The following KCNQ5 variants were observed in gnomAD, a reference collection of about 807,000 sequenced individuals.
KCNQ5 encodes potassium voltage-gated channel subfamily KQT member 5.
Under a neutral mutation model 98.2 loss-of-function variants are expected in KCNQ5, and 30 were observed. The observed-to-expected ratio is 0.31, with a 90% CI of 0.23 to 0.41. The LOEUF is 0.41. KCNQ5 is among the 10% of genes least tolerant of loss of function. The probability of loss-of-function intolerance (pLI) is 1.00; values close to 1 mark genes in which losing one functional copy is unlikely to be tolerated. For missense variants in KCNQ5, 835 were observed against 1,182.5 expected (o/e 0.71, Z 4.31); for synonymous variants, 458 against 449.4 (o/e 1.02, Z -0.24).
intron 1 of KCNQ5, among the ~76,000 whole-genome samples, chr6:72,715,110 T>C (rs1321815870): frequency 1.3e-5 from 2 of 152,208 alleles, no homozygotes; most frequent in Non-Finnish European, 2.9e-5. Flanking sequence ...TTAAATGTTG[T>C]ATTATAAAGA....
At chr6:72,803,126 C>A (rs1208715150) in intron 1 of KCNQ5, among the ~76,000 whole-genome samples, 1 of 152,156 alleles carries the variant, frequency 6.6e-6, no homozygotes, top group East Asian at 1.9e-4. Flanking sequence ...AGACCAACCA[C>A]AATCAATAAT....
At chr6:72,794,451 T>G (rs891238757) in intron 1 of KCNQ5, among the ~76,000 whole-genome samples, 12 of 152,238 alleles carry the variant, frequency 7.9e-5, no homozygotes, top group African/African-American at 2.9e-4. Context: ...CAGAATTGGT[T>G]ACTAATACTT....
intron 1 of KCNQ5, among the ~76,000 whole-genome samples, chr6:72,711,195 A>G (rs112295042): frequency 4.7e-4 from 72 of 152,220 alleles, no homozygotes; most frequent in African/African-American, 1.5e-3. Flanking sequence ...CATTAAGAAT[A>G]AATGTACACA....
intron 7 of KCNQ5, among the ~76,000 whole-genome samples, chr6:73,119,382 C>G (rs1775652265): frequency 6.6e-6 from 1 of 152,178 alleles, no homozygotes; most frequent in Admixed American, 6.5e-5. Flanking sequence ...ACCTACAAAA[C>G]AGGAATCTTA....
intron 1 of KCNQ5, chr6:72,986,691 G>A (rs1768792777): frequency 1.8e-6 from 2 of 1,124,248 alleles, no homozygotes; most frequent in African/African-American, 1.6e-5. Context: ...TTCCTCTGTG[G>A]GGAGAAGAAA....
At chr6:73,008,996 T>C (rs1562124696) in intron 2 of KCNQ5, among the ~76,000 whole-genome samples, 1 of 151,352 alleles carries the variant, frequency 6.6e-6, no homozygotes, top group African/African-American at 2.4e-5. Flanking sequence ...CTTTGTTTTA[T>C]TTTTTTTTCT....
chr6:73,028,798 G>A (rs942485518), intron 2 of KCNQ5, among the ~76,000 whole-genome samples: 2 of 152,164 alleles, frequency 1.3e-5, no homozygotes, highest in Admixed American at 1.3e-4. Flanking sequence ...TGCTTTATTA[G>A]TTAAAATTGT....
At chr6:72,716,550 T>C (rs1235541387) in intron 1 of KCNQ5, among the ~76,000 whole-genome samples, 9 of 152,240 alleles carry the variant, frequency 5.9e-5, no homozygotes, top group Admixed American at 3.9e-4. Flanking sequence ...CAGGAGAAGC[T>C]TTACTTTTTA....
At position 72,838,949 on chromosome 6, in the gene KCNQ5, C is replaced by CAAA. The variant is rs67894922; in HGVS notation, c.399-164938_399-164936dup. 5.4e-3 allele frequency among the ~76,000 whole-genome samples: 318 copies of CAAA among 58,632 alleles called. 25 individuals carry two copies. Among genetic ancestry groups the CAAA allele is most frequent in the African/African-American group, 0.016 (263 of 15,962 alleles). The allele number at this position is 58,632 out of a possible 152,430, so 38.5% of individuals were successfully genotyped here. ...TGGGCGACAGAGCGAGACTCCGTCT[C>CAAA]AAAAAAAAAAAAAAAAAAAAAAAGA... On this transcript the variant is annotated intron_variant, in intron 1 of 13. Coordinates refer to ENST00000370398, the MANE Select transcript of KCNQ5 (RefSeq NM_019842.4).
intron 1 of KCNQ5, among the ~76,000 whole-genome samples, chr6:72,871,818 T>G (rs372302885): frequency 2.8e-4 from 43 of 152,250 alleles, no homozygotes; most frequent in African/African-American, 9.4e-4. Flanking sequence ...CAAGGATACA[T>G]CTCTCCATCT....
rs147979750 is a variant in KCNQ5 at position 72,886,497 on chromosome 6, A to G, written c.399-117411A>G. Among the ~76,000 whole-genome samples the G allele has an allele frequency of 4.7e-3, 723 of 152,282 alleles. 11 individuals are homozygous for G. The highest frequency in any genetic ancestry group is 0.02 in the East Asian group (106 of 5,188). On this transcript the variant is annotated intron_variant, in intron 1 of 13. Transcript: ENST00000370398. ...ATCAGAATTCCAGAAAGAATACAGA[A>G]TTATAAAGAAAAGGAAATATTTTAG...
intron 1 of KCNQ5, among the ~76,000 whole-genome samples, chr6:72,625,041 AT>A (rs1411015904): frequency 1.3e-5 from 2 of 152,216 alleles, no homozygotes; most frequent in Admixed American, 6.5e-5. Flanking sequence ...TAATAACAGT[AT>A]TTGTAGCATA....
rs1392393817 is a variant in KCNQ5, at chr6:73,196,673, T to G, written c.*1259T>G. The G allele has an allele frequency of 6.6e-6, 1 of 152,164 alleles. No homozygotes were observed. Among genetic ancestry groups the G allele is most frequent in the East Asian group, 1.9e-4 (1 of 5,184 alleles). 9.4% of individuals were successfully genotyped at this position (152,164 alleles called of 1,614,324 possible). A position where few individuals can be genotyped will look rare whatever the true frequency, so the allele number is the denominator to read the frequency against. ...TTACTTTTTATACTGTAGTGAAAAT[T>G]TTCTATTCTTCCCAAGAATGTTGTC... On this transcript the variant is annotated 3_prime_UTR_variant, in exon 14 of 14. Transcript: ENST00000370398.
intron 1 of KCNQ5, among the ~76,000 whole-genome samples, chr6:72,901,826 G>C (rs1304508669): frequency 6.6e-6 from 1 of 152,042 alleles, no homozygotes; most frequent in African/African-American, 2.4e-5. Context: ...CTTGGGCTAT[G>C]TGGGCTCTTT....
intron 6 of KCNQ5, among the ~76,000 whole-genome samples, chr6:73,107,335 A>G (rs1775044852): frequency 6.6e-6 from 1 of 152,212 alleles, no homozygotes; most frequent in South Asian, 2.1e-4. Flanking sequence ...TGATAAACTC[A>G]CCTATATGGT....
chr6:72,673,462 C>T (rs67188382), intron 1 of KCNQ5, among the ~76,000 whole-genome samples: 15,273 of 152,060 alleles, frequency 0.1, 1,695 homozygotes, highest in East Asian at 0.47. Context: ...AACAACAGAA[C>T]ATACTTCTTT....
intron 1 of KCNQ5, among the ~76,000 whole-genome samples, chr6:72,652,334 C>T (rs1461043440): frequency 2.6e-5 from 4 of 151,446 alleles, no homozygotes; most frequent in Non-Finnish European, 5.9e-5. Context: ...TAATTATGTG[C>T]TTCCTTAGAG....
chr6:73,188,722 C>T (rs1460621316), intron 11 of KCNQ5, among the ~76,000 whole-genome samples: 4 of 152,148 alleles, frequency 2.6e-5, no homozygotes, highest in South Asian at 4.1e-4. Context: ...CGGTGGCTCA[C>T]GCCTGTAATC....
intron 1 of KCNQ5, among the ~76,000 whole-genome samples, chr6:72,655,025 T>TTTCTTTCCTTCTTTCTTTCC (rs879428480): frequency 1.1e-5 from 1 of 89,590 alleles, no homozygotes; most frequent in African/African-American, 9.7e-5. Context: ...AAGGTCTGTC[T>TTTCTTTCCTTCTTTCTTTCC]GTCTTTCTTT....
Sources: allele counts gnomAD v4.1 joint callset (sites outside exome capture counted in the v4.1 genomes callset), GRCh38; gene constraint gnomAD v4.1.1; transcripts MANE v1.5; gene names NCBI Gene and HGNC (gene_info 2026-07-23, HGNC 2026-07-21).